U2SURP: variants seen among roughly 807,000 people sequenced by gnomAD.
U2SURP encodes the protein U2 snRNP-associated SURP motif-containing protein.
A neutral mutation model predicts 144.9 loss-of-function variants in U2SURP; 9 were observed. The observed-to-expected ratio is 0.06, with a 90% CI of 0.04 to 0.11. The LOEUF (loss-of-function observed/expected upper bound fraction) is 0.11, where lower values mean the gene tolerates loss of function less well. Ranked by LOEUF, U2SURP falls within the 10% of genes least tolerant of loss-of-function variation. U2SURP has a pLI of 1.00. For missense variants in U2SURP, 724 were observed against 1,226.7 expected, an observed-to-expected ratio of 0.59 and a Z score of 6.12; for synonymous variants, 408 against 396.8, an observed-to-expected ratio of 1.03 and a Z score of -0.33.
intron 16 of U2SURP, among the ~76,000 whole-genome samples, chr3:143,029,169 T>A (rs1049735000): frequency 6.6e-6 from 1 of 152,210 alleles, no homozygotes; most frequent in Non-Finnish European, 1.5e-5. Context: ...AACATACTTA[T>A]TAAATGTTCA....
intron 23 of U2SURP, among the ~76,000 whole-genome samples, chr3:143,041,761 G>A (rs571831220): frequency 6.6e-5 from 10 of 151,944 alleles, no homozygotes; most frequent in South Asian, 2.1e-4. Context: ...TCTGCTCATC[G>A]TAGAATGTCC....
At chr3:143,044,871 T>G (rs1323772265) in intron 24 of U2SURP, among the ~76,000 whole-genome samples, 1 of 152,228 alleles carries the variant, frequency 6.6e-6, no homozygotes, top group East Asian at 1.9e-4. Context: ...CATTTTGTTT[T>G]AACCTTATGT....
In U2SURP at chr3:143,022,869, T is replaced by C. The variant is rs1468314102; in HGVS notation, c.1035T>C (p.Ser345=). 1.5e-5 allele frequency: 23 copies of C among 1,578,474 alleles called. No homozygotes were observed. Among genetic ancestry groups the C allele is most frequent in the Non-Finnish European group, 1.9e-5 (22 of 1,165,618 alleles). The change falls in exon 12 of 28, where the codon TCT becomes TCC. Residue 345 remains serine, a synonymous_variant. Coordinates refer to ENST00000473835, the MANE Select transcript of U2SURP (RefSeq NM_001080415.2). The part of the protein sequence containing the change: ...LKNLNGKMIM[S]FEMKLGWGKA... ...TTCTTGTAGGAAAAATGATTATGTC[T>C]TTTGAAATGAAGTTAGGTTGGGGTA... is the stretch of plus-strand genomic sequence containing the variant.
chr3:143,018,126 A>C (rs549379540), intron 6 of U2SURP, among the ~76,000 whole-genome samples: 1 of 152,294 alleles, frequency 6.6e-6, no homozygotes, highest in South Asian at 2.1e-4. Context: ...ATTGTGCAAC[A>C]ATCACCACTC....
chr3:143,034,074 T>G (rs892390951), intron 18 of U2SURP, among the ~76,000 whole-genome samples: 1 of 152,210 alleles, frequency 6.6e-6, no homozygotes, highest in Non-Finnish European at 1.5e-5. Context: ...AAATGTTTCC[T>G]AAGGCAAAAG....
intron 16 of U2SURP, among the ~76,000 whole-genome samples, chr3:143,032,319 C>T (rs532826221): frequency 3.3e-5 from 5 of 152,320 alleles, no homozygotes; most frequent in East Asian, 1.9e-4. Flanking sequence ...GATCCGCCTA[C>T]CTTGGCCTCC....
rs777074931 is a variant in U2SURP, at chr3:143,032,967, A to G, written c.1773+21A>G. 6 of 1,602,972 alleles carry G rather than the reference A, an allele frequency of 3.7e-6. No individual in the cohort carries two copies. In the Admixed American group the frequency reaches 5.2e-5, roughly 14 times the overall value. On this transcript the variant is annotated intron_variant, in intron 17 of 27. Coordinates refer to ENST00000473835, the MANE Select transcript of U2SURP (RefSeq NM_001080415.2). ...AAAAGGTATGGGAATGAATTTTAAG[A>G]AAAGGGGAGATAGTTGACGTCTTTT...
At chr3:143,005,379 T>C (rs1428251481) in intron 1 of U2SURP, among the ~76,000 whole-genome samples, 1 of 152,254 alleles carries the variant, frequency 6.6e-6, no homozygotes, top group African/African-American at 2.4e-5. Context: ...TTTTTTGTGG[T>C]ACCTGAAAGT....
intron 10 of U2SURP, 93 bp downstream of exon 10, chr3:143,021,648 C>G (rs1936640889): frequency 8.2e-7 from 1 of 1,226,560 alleles, no homozygotes; most frequent in Non-Finnish European, 1.2e-6. Flanking sequence ...CTGAAGCTGA[C>G]AAATCTGATG....
chr3:143,012,156 G>C (rs1936146633), intron 2 of U2SURP, 66 bp from the exon 3 acceptor site: 7 of 1,554,648 alleles, frequency 4.5e-6, no homozygotes, highest in Admixed American at 1.9e-5. Flanking sequence ...CTTATTCCTA[G>C]TTTTCAGTGC....
chr3:143,020,581 T>G lies in U2SURP; in HGVS notation c.639-18T>G, dbSNP rs567226138. 3.8e-6 allele frequency: 6 copies of G among 1,591,742 alleles called. No homozygotes were observed. The highest frequency in any genetic ancestry group is 2.7e-5 in the African/African-American group (2 of 74,704). ...CAAATTTTGGCTCATTATAAGTGAT[T>G]GTAAATATTTTCAACAGAATTCAAG... On this transcript the variant is annotated intron_variant, in intron 7 of 27. Coordinates refer to ENST00000473835, the MANE Select transcript of U2SURP (RefSeq NM_001080415.2).
chr3:143,016,150 A>G, intron 4 of U2SURP, 107 bp from the exon 5 acceptor site: 1 of 863,214 alleles, frequency 1.2e-6, no homozygotes, highest in Non-Finnish European at 1.9e-6. Flanking sequence ...GGACTGCTTA[A>G]CCTGGGAAGG....
At chr3:143,017,851 T>G (rs948932932) in intron 6 of U2SURP, among the ~76,000 whole-genome samples, 1 of 150,278 alleles carries the variant, frequency 6.7e-6, no homozygotes. Context: ...CTCAAACTCC[T>G]GGACTCAAGC....
At chr3:143,003,591 G>A (rs951859857) in intron 1 of U2SURP, among the ~76,000 whole-genome samples, 4 of 151,298 alleles carry the variant, frequency 2.6e-5, no homozygotes, top group Non-Finnish European at 5.9e-5. Context: ...AAAATGTCAG[G>A]ATAAATTTTA....
chr3:143,009,192 A>T (rs1935993502), intron 1 of U2SURP, among the ~76,000 whole-genome samples: 1 of 152,214 alleles, frequency 6.6e-6, no homozygotes, highest in Admixed American at 6.5e-5. Context: ...TTTCATAGTT[A>T]ATAAATACTA....
intron 13 of U2SURP, chr3:143,025,989 G>A (rs765621758): frequency 9.2e-5 from 14 of 152,066 alleles, no homozygotes; most frequent in Non-Finnish European, 1.3e-4. Flanking sequence ...TTATATGAAC[G>A]TAATTTGAGC....
intron 23 of U2SURP, among the ~76,000 whole-genome samples, chr3:143,040,701 G>A (rs1314883001): frequency 6.6e-6 from 1 of 151,758 alleles, no homozygotes; most frequent in Non-Finnish European, 1.5e-5. Flanking sequence ...TCGAATTGTG[G>A]CTAAAAGCTA....
chr3:143,049,139 G>T (rs79159918), intron 24 of U2SURP, among the ~76,000 whole-genome samples: 1 of 150,372 alleles, frequency 6.7e-6, no homozygotes, highest in Non-Finnish European at 1.5e-5. Flanking sequence ...GGTGGCGTGC[G>T]CCTGTAATCC....
chr3:143,055,942 A>C (rs1048337056), intron 27 of U2SURP, among the ~76,000 whole-genome samples: 2 of 152,190 alleles, frequency 1.3e-5, no homozygotes, highest in African/African-American at 4.8e-5. Context: ...TCTTAGGTGC[A>C]ACTTTGAACT....
Sources: gnomAD v4.1 joint callset for allele counts (sites outside exome capture counted in the v4.1 genomes callset) on GRCh38, gnomAD v4.1.1 for gene constraint, MANE v1.5 for transcripts, NCBI Gene and HGNC (gene_info 2026-07-23, HGNC 2026-07-21) for gene names.